The following BATF variants were observed in gnomAD, a reference collection of about 807,000 sequenced individuals.
BATF encodes the protein basic leucine zipper transcriptional factor ATF-like.
Under a neutral mutation model 13.7 loss-of-function variants are expected in BATF, and 5 were observed. The ratio of observed to expected loss-of-function variants is 0.36; its 90% CI spans 0.19 to 0.77. The LOEUF is 0.77. Among genes scored for constraint, BATF ranks in the 30% least tolerant of loss-of-function variants. BATF has a pLI of 0.51. For missense variants in BATF, 124 were observed against 163.0 expected, an observed-to-expected ratio of 0.76 and a Z score of 1.30; for synonymous variants, 72 against 67.5, an observed-to-expected ratio of 1.07 and a Z score of -0.33.
At chr14:75,525,307 T>G in intron 2 of BATF, 119 bp downstream of exon 2, 2 of 1,070,668 alleles carry the variant, frequency 1.9e-6, no homozygotes, top group Admixed American at 4.2e-5. Context: ...TGGGGTGGGT[T>G]AGTGGAGGGT....
At chr14:75,539,985 G>A (rs541584338) in intron 2 of BATF, among the ~76,000 whole-genome samples, 2 of 152,256 alleles carry the variant, frequency 1.3e-5, no homozygotes, top group East Asian at 1.9e-4. Flanking sequence ...GATAAGCTTC[G>A]AACGCCACTT....
intron 2 of BATF, among the ~76,000 whole-genome samples, chr14:75,542,855 G>A (rs900291534): frequency 2.0e-5 from 3 of 152,230 alleles, no homozygotes; most frequent in African/African-American, 7.2e-5. Flanking sequence ...GCCAGGGAGG[G>A]GGAGGCAGAC....
At chr14:75,524,898 G>A (rs1297645595) in intron 1 of BATF, among the ~76,000 whole-genome samples, 186 bp from the exon 2 acceptor site, 1 of 151,758 alleles carries the variant, frequency 6.6e-6, no homozygotes, top group Non-Finnish European at 1.5e-5. Context: ...ACCTGGGAAT[G>A]TGTAAGCAGG....
chr14:75,536,593 T>C (rs1452105401), intron 2 of BATF, among the ~76,000 whole-genome samples: 1 of 151,964 alleles, frequency 6.6e-6, no homozygotes, highest in East Asian at 1.9e-4. Flanking sequence ...TATCCAGGCA[T>C]GCACCTATGG....
chr14:75,534,507 C>G (rs1887790621), intron 2 of BATF, among the ~76,000 whole-genome samples: 1 of 152,064 alleles, frequency 6.6e-6, no homozygotes, highest in African/African-American at 2.4e-5. Flanking sequence ...AGTTTGATAA[C>G]CAAAAATATT....
intron 2 of BATF, among the ~76,000 whole-genome samples, chr14:75,544,355 A>C (rs1041028083): frequency 6.6e-6 from 1 of 152,038 alleles, no homozygotes; most frequent in Non-Finnish European, 1.5e-5. Flanking sequence ...CCCTGAGGTC[A>C]GGAGTTCAAG....
Position 75,546,620 on chromosome 14 carries a change from C to A in BATF, c.327C>A (p.Ser109Arg), listed in dbSNP as rs754484991. ...STPSPPEVVY[S>R]AHAFHQPHVS... ...CCTCGCCCCCCGAGGTGGTGTACAG[C>A]GCCCACGCATTCCACCAACCTCATG... Residue 109 changes from serine to arginine, a missense_variant, in exon 3 of 3, where the codon AGC (serine) becomes AGA (arginine). Ser to Arg is a moderately radical substitution (Grantham distance 110). Transcript: ENST00000286639. 2 of 1,613,112 alleles carry A rather than the reference C, an allele frequency of 1.2e-6. No homozygotes were observed. The highest frequency in any genetic ancestry group is 1.3e-5 in the African/African-American group (1 of 74,920).
intron 2 of BATF, among the ~76,000 whole-genome samples, chr14:75,546,017 C>T (rs1341353281): frequency 6.6e-6 from 1 of 152,054 alleles, no homozygotes; most frequent in Non-Finnish European, 1.5e-5. Flanking sequence ...CTGCCACACC[C>T]AGCTAATTTC....
intron 2 of BATF, among the ~76,000 whole-genome samples, chr14:75,540,901 C>T (rs1050841759): frequency 1.3e-5 from 2 of 152,294 alleles, no homozygotes; most frequent in African/African-American, 4.8e-5. Flanking sequence ...GCCTGGCCAA[C>T]ATGGTGAAAC....
intron 1 of BATF, among the ~76,000 whole-genome samples, chr14:75,523,654 A>G (rs1228679350): frequency 2.0e-5 from 3 of 152,200 alleles, no homozygotes; most frequent in Non-Finnish European, 4.4e-5. Context: ...TCCGACATGT[A>G]TCCGTGGGTT....
intron 2 of BATF, among the ~76,000 whole-genome samples, chr14:75,542,387 A>G (rs939479832): frequency 1.3e-5 from 2 of 152,196 alleles, no homozygotes; most frequent in African/African-American, 4.8e-5. Flanking sequence ...CCCTCTCAGT[A>G]GCAGAAGACA....
chr14:75,540,234 C>T (rs1294049910), intron 2 of BATF, among the ~76,000 whole-genome samples: 3 of 152,154 alleles, frequency 2.0e-5, no homozygotes, highest in Non-Finnish European at 4.4e-5. Flanking sequence ...GGTCTTCGTC[C>T]CTAATGGCTC....
Position 75,522,854 on chromosome 14 carries a change from G to A in BATF, c.63+109G>A, listed in dbSNP as rs145165372. The A allele has an allele frequency of 5.1e-4, 671 of 1,325,694 alleles. 5 individuals are homozygous for A. The African/African-American group carries it at 8.6e-3, about 17-fold the overall frequency. The allele number at this position is 1,325,694 out of a possible 1,614,324, so 82.1% of individuals were successfully genotyped here. On this transcript the variant is annotated intron_variant, in intron 1 of 2. Coordinates refer to ENST00000286639, the MANE Select transcript of BATF (RefSeq NM_006399.5). ...GAGCTGAGGATGGAGGAAGTGGCTC[G>A]TTGCACGGGCACTCTGTTAGACTTA...
At chr14:75,539,961 A>G (rs557060505) in intron 2 of BATF, among the ~76,000 whole-genome samples, 15 of 152,224 alleles carry the variant, frequency 9.9e-5, no homozygotes, top group East Asian at 5.8e-4. Flanking sequence ...CTGAACATAT[A>G]TCTGGGTGTG....
At chr14:75,546,266 T>G (rs1381581290) in intron 2 of BATF, among the ~76,000 whole-genome samples, 196 bp from the exon 3 acceptor site, 1 of 152,190 alleles carries the variant, frequency 6.6e-6, no homozygotes, top group Non-Finnish European at 1.5e-5. Context: ...TGTGCTTACG[T>G]AAACGCGCCC....
chr14:75,533,786 G>A (rs1887775915), intron 2 of BATF, among the ~76,000 whole-genome samples: 1 of 152,168 alleles, frequency 6.6e-6, no homozygotes, highest in South Asian at 2.1e-4. Context: ...CTACCTTGTT[G>A]ATAAAATTTC....
chr14:75,546,438 C>A (rs768583522), intron 2 of BATF, 24 bp from the exon 3 acceptor site: 2 of 1,612,918 alleles, frequency 1.2e-6, no homozygotes, highest in African/African-American at 1.3e-5. Context: ...CACTAACCTC[C>A]GGTGCTGATC....
chr14:75,526,550 A>G (rs1463270553), intron 2 of BATF, among the ~76,000 whole-genome samples: 2 of 152,242 alleles, frequency 1.3e-5, no homozygotes, highest in African/African-American at 4.8e-5. Flanking sequence ...TTACAAGGAA[A>G]CAGAGCAGAC....
At chr14:75,541,985 G>A (rs1432020494) in intron 2 of BATF, among the ~76,000 whole-genome samples, 1 of 151,966 alleles carries the variant, frequency 6.6e-6, no homozygotes, top group African/African-American at 2.4e-5. Flanking sequence ...GTTCTCGGGA[G>A]ACCTTTGCCC....
Sources: gnomAD v4.1 joint callset for allele counts (sites outside exome capture counted in the v4.1 genomes callset) on GRCh38, gnomAD v4.1.1 for gene constraint, MANE v1.5 for transcripts, NCBI Gene and HGNC (gene_info 2026-07-23, HGNC 2026-07-21) for gene names.